Variants in SHROOM2 observed in about 807,000 individuals in gnomAD.
SHROOM2 encodes shroom family member 2, also known as protein Shroom2.
In SHROOM2, 33 loss-of-function variants were observed where a neutral mutation model predicts 75.9. The ratio of observed to expected loss-of-function variants is 0.43; its 90% CI spans 0.33 to 0.58. The LOEUF (loss-of-function observed/expected upper bound fraction) is 0.58. SHROOM2 is among the 20% of genes least tolerant of loss of function. The probability of loss-of-function intolerance (pLI) is 0.04; values close to 1 mark genes in which losing one functional copy is unlikely to be tolerated. For missense variants in SHROOM2, 1,434 were observed against 1,461.2 expected (o/e 0.98, Z 0.30); for synonymous variants, 655 against 663.6 (o/e 0.99, Z 0.20).
intron 5 of SHROOM2, among the ~76,000 whole-genome samples, chrX:9,926,886 C>T (rs751364008): frequency 1.8e-5 from 2 of 110,520 alleles, no homozygotes; most frequent in African/African-American, 6.6e-5. Context: ...AATCCAAAAA[C>T]GTCTGAAATC....
intron 1 of SHROOM2, among the ~76,000 whole-genome samples, chrX:9,855,801 A>G (rs1010545112): frequency 6.3e-5 from 7 of 111,328 alleles, no homozygotes; most frequent in Non-Finnish European, 1.1e-4. Context: ...AACTAGGCAC[A>G]CGCTTAACTC....
chrX:9,914,833 G>C (rs774326300), intron 5 of SHROOM2, among the ~76,000 whole-genome samples: 11 of 111,930 alleles, frequency 9.8e-5, no homozygotes, highest in Non-Finnish European at 2.1e-4. Flanking sequence ...CAGTCTGGTG[G>C]GCTCCTGCGG....
At chrX:9,909,945 C>A (rs2084412968) in intron 5 of SHROOM2, among the ~76,000 whole-genome samples, 1 of 111,576 alleles carries the variant, frequency 9.0e-6, no homozygotes, top group South Asian at 3.8e-4. Flanking sequence ...CTGCTGCGTC[C>A]TCACATGATG....
At chrX:9,841,188 T>G (rs1414441845) in intron 1 of SHROOM2, among the ~76,000 whole-genome samples, 1 of 112,068 alleles carries the variant, frequency 8.9e-6, no homozygotes, top group African/African-American at 3.2e-5. Flanking sequence ...ACTCCTGACC[T>G]CAGGTGATCC....
At chrX:9,803,286 C>G (rs1385676798) in intron 1 of SHROOM2, among the ~76,000 whole-genome samples, 1 of 111,228 alleles carries the variant, frequency 9.0e-6, no homozygotes, top group Non-Finnish European at 1.9e-5. Flanking sequence ...AAACAAGACA[C>G]TCAAGCCTAT....
At chrX:9,812,072 A>G (rs992355986) in intron 1 of SHROOM2, among the ~76,000 whole-genome samples, 1 of 112,032 alleles carries the variant, frequency 8.9e-6, no homozygotes, top group African/African-American at 3.2e-5. Context: ...TTGATGACCC[A>G]TAGTCAAATG....
At position 9,895,375 on chromosome X, in the gene SHROOM2, G is replaced by T; in HGVS notation, c.1467G>T (p.Gln489His). 2 of 1,198,205 alleles carry T rather than the reference G, an allele frequency of 1.7e-6. No homozygotes were observed. The highest frequency in any genetic ancestry group is 2.2e-6 in the Non-Finnish European group (2 of 889,116). Residue 489 changes from glutamine to histidine, a missense_variant, in exon 4 of 10, where the codon CAG becomes CAT. Around this residue, in one of 3 missense-constraint regions of SHROOM2, gnomAD observed 1,340 missense variants for 1,338.3 expected, o/e 1.00. Transcript: ENST00000380913. ...PCVQGDLQAA[Q>H]LWAGCWPSDT... ...TGCAGGGAGACCTGCAAGCAGCACA[G>T]CTCTGGGCGGGATGCTGGCCTTCTG... is the stretch of plus-strand genomic sequence containing the variant.
chrX:9,855,261 G>T (rs1193989766), intron 1 of SHROOM2, among the ~76,000 whole-genome samples: 1 of 76,300 alleles, frequency 1.3e-5, no homozygotes, highest in African/African-American at 5.6e-5. Flanking sequence ...AAACCTGCAC[G>T]TTCTGCACAT....
chrX:9,792,159 T>TAATAGAATAGAATAGAATAGGAA (rs1555919910), intron 1 of SHROOM2, among the ~76,000 whole-genome samples: 179 of 7,392 alleles, frequency 0.024, 48 homozygotes, highest in African/African-American at 0.053. Context: ...TAGAATAGAA[T>TAATAGAATAGAATAGAATAGGAA]AATCACCAGT....
rs765452114 is a variant in SHROOM2, at chrX:9,894,532, G to A, written c.624G>A (p.Ser208=). 1.5e-5 allele frequency: 18 copies of A among 1,209,335 alleles called. No homozygotes were observed. Among genetic ancestry groups the A allele is most frequent in the South Asian group, 3.5e-5 (2 of 56,744 alleles). ...TGGGCAGCCACAGCAAGCGCGACTC[G>A]GCCTACGGCTCCTTCTCCACCAGCT... ...DHLGSHSKRD[S]AYGSFSTSSS... The change falls in exon 4 of 10, where the codon TCG becomes TCA. Residue 208 remains serine, a synonymous_variant. Coordinates refer to ENST00000380913, the MANE Select transcript of SHROOM2 (RefSeq NM_001649.4).
At chrX:9,929,597 T>C (rs1450279734) in intron 5 of SHROOM2, among the ~76,000 whole-genome samples, 1 of 112,010 alleles carries the variant, frequency 8.9e-6, no homozygotes, top group African/African-American at 3.2e-5. Flanking sequence ...GAGTTCTCTT[T>C]CGTTTATGGG....
chrX:9,826,238 T>C (rs1203858950), intron 1 of SHROOM2, among the ~76,000 whole-genome samples: 1 of 112,289 alleles, frequency 8.9e-6, no homozygotes, highest in African/African-American at 3.2e-5. Context: ...CATTGGAATT[T>C]GCAAGCGGGT....
chrX:9,786,677 C>T lies in SHROOM2; in HGVS notation c.132C>T (p.Gly44=). 1 of 889,205 alleles carries T rather than the reference C, an allele frequency of 1.1e-6. No individual in the cohort carries two copies. The highest frequency in any genetic ancestry group is 1.4e-6 in the Non-Finnish European group (1 of 724,735). 73.3% of individuals were successfully genotyped at this position (889,205 alleles called of 1,213,427 possible). Residue 44 remains glycine, a synonymous_variant, in exon 1 of 10, where the codon GGC becomes GGT. Transcript: ENST00000380913. Reference sequence around the variant, plus strand: ...CGTGGGGCTTCACCCTGAAGGGCGGCCGCGAGCACGGCGAGCCGCTGGTCA... The same window carrying T: ...CGTGGGGCTTCACCCTGAAGGGCGGTCGCGAGCACGGCGAGCCGCTGGTCA... ...GAPWGFTLKG[G]REHGEPLVIT... is the part of the protein sequence containing the mutation.
At chrX:9,906,696 G>A (rs113187392) in intron 5 of SHROOM2, among the ~76,000 whole-genome samples, 26 of 112,208 alleles carry the variant, frequency 2.3e-4, no homozygotes, top group African/African-American at 8.4e-4. Context: ...GCTGAGGCAG[G>A]AGAATCGCTT....
chrX:9,942,021 C>G (rs1396072236), intron 8 of SHROOM2, among the ~76,000 whole-genome samples: 1 of 109,596 alleles, frequency 9.1e-6, no homozygotes, highest in Non-Finnish European at 1.9e-5. Context: ...TGGCGGGCGT[C>G]CTTCCTTATC....
intron 1 of SHROOM2, among the ~76,000 whole-genome samples, chrX:9,868,829 A>G (rs1015766478): frequency 1.0e-5 from 1 of 95,850 alleles, no homozygotes; most frequent in South Asian, 5.4e-4. Context: ...ATCCTTCCAC[A>G]TTGGCCTCCC....
At chrX:9,886,531 A>C (rs2084261856) in intron 2 of SHROOM2, among the ~76,000 whole-genome samples, 1 of 112,127 alleles carries the variant, frequency 8.9e-6, no homozygotes, top group Non-Finnish European at 1.9e-5. Context: ...CACATCATAC[A>C]ACCAATCTCC....
chrX:9,845,485 C>G (rs1217772707), intron 1 of SHROOM2, among the ~76,000 whole-genome samples: 2 of 111,847 alleles, frequency 1.8e-5, no homozygotes, highest in Non-Finnish European at 3.8e-5. Flanking sequence ...GGGAGTCATT[C>G]CAAGCTAGCA....
intron 5 of SHROOM2, among the ~76,000 whole-genome samples, chrX:9,914,650 C>A (rs1347101428): frequency 2.7e-5 from 3 of 111,447 alleles, no homozygotes; most frequent in Non-Finnish European, 5.6e-5. Context: ...AACATATTTG[C>A]CGACACCTTA....
Sources: allele counts gnomAD v4.1 joint callset (sites outside exome capture counted in the v4.1 genomes callset), GRCh38; gene constraint gnomAD v4.1.1; regional missense constraint gnomAD v4.1.1; transcripts MANE v1.5; gene names NCBI Gene and HGNC (gene_info 2026-07-23, HGNC 2026-07-21).